ABAT: variants seen among roughly 807,000 people sequenced by gnomAD.
ABAT encodes 4-aminobutyrate aminotransferase, also known as 4-aminobutyrate aminotransferase, mitochondrial.
In ABAT, 45 loss-of-function variants were observed where a neutral mutation model predicts 64.6. The ratio of observed to expected loss-of-function variants is 0.70; its 90% CI spans 0.55 to 0.89. The LOEUF (loss-of-function observed/expected upper bound fraction) is 0.89. Among genes scored for constraint, ABAT ranks in the 40% least tolerant of loss-of-function variants. The pLI is 0.00. For missense variants in ABAT, 633 were observed against 658.4 expected, an observed-to-expected ratio of 0.96 and a Z score of 0.42; for synonymous variants, 297 against 250.5, an observed-to-expected ratio of 1.19 and a Z score of -1.75.
At chr16:8,721,844 T>G (rs1234687377) in intron 1 of ABAT, among the ~76,000 whole-genome samples, 2 of 152,124 alleles carry the variant, frequency 1.3e-5, no homozygotes, top group African/African-American at 4.8e-5. Flanking sequence ...GAGAGCTAAT[T>G]TGCATTTTAA....
intron 5 of ABAT, 103 bp from the exon 6 acceptor site, chr16:8,757,654 G>C: frequency 2.3e-6 from 3 of 1,295,308 alleles, no homozygotes. Context: ...TTTTTAAAGA[G>C]AGTTGGGGGG....
At chr16:8,703,123 A>T (rs1472852304) in intron 1 of ABAT, among the ~76,000 whole-genome samples, 1 of 152,060 alleles carries the variant, frequency 6.6e-6, no homozygotes, top group Admixed American at 6.6e-5. Flanking sequence ...TTCTAGATAC[A>T]GTAATGATAT....
intron 1 of ABAT, among the ~76,000 whole-genome samples, chr16:8,722,346 T>G (rs1460289091): frequency 6.6e-6 from 1 of 152,230 alleles, no homozygotes; most frequent in Non-Finnish European, 1.5e-5. Flanking sequence ...GGTTTCACTA[T>G]GTTAGCCAGG....
At chr16:8,722,781 G>A in intron 1 of ABAT, 1 of 1,286,728 alleles carries the variant, frequency 7.8e-7, no homozygotes, top group Non-Finnish European at 1.0e-6. Flanking sequence ...GCCCATCCAG[G>A]GTCTAGCGGA....
intron 1 of ABAT, among the ~76,000 whole-genome samples, chr16:8,690,464 A>C (rs895945337): frequency 6.6e-6 from 1 of 152,214 alleles, no homozygotes; most frequent in Admixed American, 6.5e-5. Context: ...GTCTCCAACA[A>C]TATATTTTTC....
intron 1 of ABAT, among the ~76,000 whole-genome samples, chr16:8,691,130 A>G (rs1191453251): frequency 1.3e-5 from 2 of 151,920 alleles, no homozygotes; most frequent in Non-Finnish European, 2.9e-5. Flanking sequence ...ATATTGGCAC[A>G]TAGCTTGATG....
rs534467755 is a variant in ABAT at position 8,769,964 on chromosome 16, G to C, written c.816+991G>C. Among the ~76,000 whole-genome samples the C allele has an allele frequency of 5.9e-5, 9 of 152,242 alleles. No homozygotes were observed. The South Asian group carries it at 1.9e-3, about 32-fold the overall frequency. ...TACTAGATGTCAAGCAAGGTGCTAG[G>C]TGCTGGGTATTCAGTGGTAAATAGA... On this transcript the variant is annotated intron_variant, in intron 11 of 15. Coordinates refer to ENST00000268251, the MANE Select transcript of ABAT (RefSeq NM_020686.6).
At chr16:8,723,692 G>C (rs2058440617) in intron 1 of ABAT, among the ~76,000 whole-genome samples, 1 of 151,770 alleles carries the variant, frequency 6.6e-6, no homozygotes. Context: ...CCTGCAGTGA[G>C]AGAGGCATCA....
chr16:8,700,429 G>C (rs930774553), intron 1 of ABAT, among the ~76,000 whole-genome samples: 6 of 152,076 alleles, frequency 3.9e-5, no homozygotes, highest in Non-Finnish European at 8.8e-5. Context: ...TCAAGATCTA[G>C]ACCGTCCCCA....
rs1007946332 is a variant in ABAT, at chr16:8,782,524, G to T, written c.*1094G>T. ...GAAGCACCATGAATTAAAGGTGCCA[G>T]AGCTCCATGCATGGAAAAGTGGCCT... On this transcript the variant is annotated 3_prime_UTR_variant, in exon 16 of 16. Transcript: ENST00000268251. 1 of 152,254 alleles carries T rather than the reference G, an allele frequency of 6.6e-6. No individual in the cohort carries two copies. The highest frequency in any genetic ancestry group is 1.5e-5 in the Non-Finnish European group (1 of 68,064). 9.4% of individuals were successfully genotyped at this position (152,254 alleles called of 1,614,324 possible). A position where few individuals can be genotyped will look rare whatever the true frequency, so the allele number is the denominator to read the frequency against.
chr16:8,764,015 A>T lies in ABAT; in HGVS notation c.367-54A>T. The stretch of plus-strand genomic sequence containing the variant: ...GCTATGAAAAGCACCATTTGTGGGC[A>T]GGGAGCTGGGTCAGGCCCCCAGAAG... On this transcript the variant is annotated intron_variant, in intron 6 of 15. Transcript: ENST00000268251. This position sits in a 1 kb window ranked among gnomAD's most constrained non-coding sequence, Gnocchi z 4.2. The T allele has an allele frequency of 1.4e-6, 2 of 1,457,492 alleles. No individual in the cohort carries two copies. Among genetic ancestry groups the T allele is most frequent in the South Asian group, 2.3e-5 (2 of 87,950 alleles). 90.3% of individuals were successfully genotyped at this position (1,457,492 alleles called of 1,614,324 possible).
chr16:8,771,911 C>T lies in ABAT; in HGVS notation c.817-869C>T, dbSNP rs574418063. 5.3e-5 allele frequency among the ~76,000 whole-genome samples: 8 copies of T among 151,806 alleles called. No homozygotes were observed. The South Asian group carries it at 1.3e-3, about 24-fold the overall frequency. Reference sequence around the variant, plus strand: ...TCTCAAGTAGCTGAGACTACAGGCACGCAGCCACCATGCCCAGCTAATTTC... The same window carrying T: ...TCTCAAGTAGCTGAGACTACAGGCATGCAGCCACCATGCCCAGCTAATTTC... On this transcript the variant is annotated intron_variant, in intron 11 of 15. Coordinates refer to ENST00000268251, the MANE Select transcript of ABAT (RefSeq NM_020686.6).
At chr16:8,699,945 C>T (rs1423509581) in intron 1 of ABAT, among the ~76,000 whole-genome samples, 2 of 152,116 alleles carry the variant, frequency 1.3e-5, no homozygotes, top group African/African-American at 2.4e-5. Flanking sequence ...TTCCAAGTAG[C>T]TGTGACTATA....
At chr16:8,769,963 G>A (rs1048424376) in intron 11 of ABAT, among the ~76,000 whole-genome samples, 5 of 152,148 alleles carry the variant, frequency 3.3e-5, no homozygotes, top group Admixed American at 6.6e-5. Context: ...CAAGGTGCTA[G>A]GTGCTGGGTA....
chr16:8,694,418 C>G (rs1273179116), intron 1 of ABAT, among the ~76,000 whole-genome samples: 1 of 151,998 alleles, frequency 6.6e-6, no homozygotes, highest in Non-Finnish European at 1.5e-5. Flanking sequence ...GAGACAGGGT[C>G]TTGCTCTGTC....
intron 1 of ABAT, among the ~76,000 whole-genome samples, chr16:8,682,799 C>T (rs141568666): frequency 9.2e-5 from 14 of 152,270 alleles, no homozygotes; most frequent in South Asian, 8.3e-4. Flanking sequence ...TGTGGTCCAG[C>T]GGCCAGCAGC....
At chr16:8,767,828 AC>A (rs1229295505) in intron 9 of ABAT, among the ~76,000 whole-genome samples, 1 of 151,754 alleles carries the variant, frequency 6.6e-6, no homozygotes, top group Non-Finnish European at 1.5e-5. Context: ...GGCCCCCACC[AC>A]CATGCCTGTC....
intron 1 of ABAT, among the ~76,000 whole-genome samples, chr16:8,714,125 G>A (rs1022501410): frequency 4.6e-5 from 7 of 152,194 alleles, no homozygotes; most frequent in Admixed American, 6.5e-5. Context: ...ACCCTTTAAA[G>A]TGGGGACAAA....
chr16:8,770,734 C>T (rs547861841), intron 11 of ABAT, among the ~76,000 whole-genome samples: 2 of 152,290 alleles, frequency 1.3e-5, no homozygotes, highest in South Asian at 2.1e-4. Flanking sequence ...AGCCACCGTG[C>T]GTGGCCAGGA....
Sources: gnomAD v4.1 joint callset for allele counts (sites outside exome capture counted in the v4.1 genomes callset) on GRCh38, gnomAD v4.1.1 for gene constraint, Gnocchi (gnomAD v3.1) non-coding constraint, MANE v1.5 for transcripts, NCBI Gene and HGNC (gene_info 2026-07-23, HGNC 2026-07-21) for gene names.